Variants in SV2C observed in about 807,000 individuals in gnomAD.
SV2C encodes synaptic vesicle glycoprotein 2C, also known as solute carrier family 22 member B3.
Under a neutral mutation model 79.7 loss-of-function variants are expected in SV2C, and 49 were observed. The ratio of observed to expected loss-of-function variants is 0.61; its 90% CI spans 0.49 to 0.78. The LOEUF is 0.78. Among genes scored for constraint, SV2C ranks in the 30% least tolerant of loss-of-function variants. SV2C has a pLI of 0.00. For missense variants in SV2C, 833 were observed against 912.9 expected (o/e 0.91, Z 1.13); for synonymous variants, 334 against 333.2 (o/e 1.00, Z -0.03).
At chr5:76,147,743 T>C (rs542448608) in intron 2 of SV2C, among the ~76,000 whole-genome samples, 83 of 152,284 alleles carry the variant, frequency 5.5e-4, no homozygotes, top group Non-Finnish European at 9.8e-4. Context: ...TTCATTTATG[T>C]AACTTTTTTG....
chr5:76,241,283 C>A (rs1446321441), intron 4 of SV2C, among the ~76,000 whole-genome samples: 1 of 150,360 alleles, frequency 6.7e-6, no homozygotes, highest in African/African-American at 2.5e-5. Context: ...GGCAGACAAT[C>A]GTTAACAGTA....
intron 2 of SV2C, among the ~76,000 whole-genome samples, chr5:76,166,796 A>G (rs769253383): frequency 3.3e-5 from 5 of 152,196 alleles, no homozygotes; most frequent in African/African-American, 1.2e-4. Flanking sequence ...ACCTCATTCA[A>G]TGTCACAGAC....
chr5:76,165,965 A>C (rs1056993817), intron 2 of SV2C, among the ~76,000 whole-genome samples: 1 of 152,140 alleles, frequency 6.6e-6, no homozygotes, highest in Non-Finnish European at 1.5e-5. Context: ...CATGCCCAGA[A>C]TCAACTCCAG....
At chr5:76,119,797 C>T (rs1424093248) in intron 1 of SV2C, among the ~76,000 whole-genome samples, 1 of 152,142 alleles carries the variant, frequency 6.6e-6, no homozygotes, top group Non-Finnish European at 1.5e-5. Context: ...GCAAACATTC[C>T]TATTGAAGAG....
the SV2C span, among the ~76,000 whole-genome samples, chr5:75,870,815 A>G: frequency 2.6e-5 from 4 of 152,252 alleles, no homozygotes; most frequent in Non-Finnish European, 4.4e-5. Flanking sequence ...TACATCTGGC[A>G]GCAGTCTTTT....
the SV2C span, among the ~76,000 whole-genome samples, chr5:76,056,948 C>T: frequency 6.6e-6 from 1 of 151,854 alleles, no homozygotes; most frequent in Non-Finnish European, 1.5e-5. Context: ...AAAAACAGTT[C>T]CTGGATTCAT....
intron 1 of SV2C, among the ~76,000 whole-genome samples, chr5:76,121,729 T>G (rs1371013814): frequency 2.6e-5 from 4 of 151,974 alleles, no homozygotes; most frequent in Admixed American, 6.6e-5. Flanking sequence ...TTGATCTATA[T>G]CTCTGTTTTG....
At chr5:76,091,697 T>G (rs901949680) in intron 1 of SV2C, 2 of 141,856 alleles carry the variant, frequency 1.4e-5, no homozygotes, top group Non-Finnish European at 3.1e-5. Context: ...TCTATGAGAC[T>G]TTTTTTTTTT....
At chr5:75,992,814 G>A in the SV2C span, among the ~76,000 whole-genome samples, 1 of 152,046 alleles carries the variant, frequency 6.6e-6, no homozygotes, top group Admixed American at 6.6e-5. Flanking sequence ...TTATAGAATA[G>A]GGGCAGTGAG....
downstream of SV2C, among the ~76,000 whole-genome samples, chr5:76,337,752 G>A (rs1749355794): frequency 6.6e-6 from 1 of 152,160 alleles, no homozygotes. Flanking sequence ...GGGCAGCCTG[G>A]CTAGGCTACT....
intron 4 of SV2C, among the ~76,000 whole-genome samples, chr5:76,265,928 G>A (rs1467441499): frequency 6.6e-6 from 1 of 152,110 alleles, no homozygotes; most frequent in Non-Finnish European, 1.5e-5. Context: ...TGGCCATCTT[G>A]CCAGATGCCC....
the SV2C span, among the ~76,000 whole-genome samples, chr5:76,049,036 G>GAAA: frequency 1.5e-5 from 1 of 68,888 alleles, no homozygotes; most frequent in Non-Finnish European, 3.3e-5. Flanking sequence ...AAAGAAAAGA[G>GAAA]GGAGGGAGGG....
At chr5:75,967,355 A>G in the SV2C span, among the ~76,000 whole-genome samples, 1 of 152,170 alleles carries the variant, frequency 6.6e-6, no homozygotes, top group Non-Finnish European at 1.5e-5. Flanking sequence ...ACTGTGCATG[A>G]GCCGAAGCAG....
At chr5:75,898,713 T>C in the SV2C span, among the ~76,000 whole-genome samples, 1 of 152,166 alleles carries the variant, frequency 6.6e-6, no homozygotes, top group African/African-American at 2.4e-5. Context: ...TCTTTTTGGT[T>C]GGTAAGCTAT....
At chr5:76,139,803 A>G (rs930756415) in intron 2 of SV2C, among the ~76,000 whole-genome samples, 5 of 151,964 alleles carry the variant, frequency 3.3e-5, no homozygotes, top group African/African-American at 1.2e-4. Context: ...ATACTTTTAC[A>G]TATAACTGGA....
At chr5:76,224,535 A>G (rs1308616702) in intron 4 of SV2C, among the ~76,000 whole-genome samples, 1 of 152,170 alleles carries the variant, frequency 6.6e-6, no homozygotes, top group Non-Finnish European at 1.5e-5. Flanking sequence ...GGACATAAAA[A>G]TCGCCATCAT....
chr5:76,269,557 C>T (rs1025254783), intron 4 of SV2C, among the ~76,000 whole-genome samples: 11 of 152,192 alleles, frequency 7.2e-5, no homozygotes, highest in African/African-American at 2.4e-4. Flanking sequence ...CCTTTGAATC[C>T]ACTTTACCCG....
rs533060304 is a variant in SV2C, at chr5:76,314,107, C to G, written c.2001-11257C>G. ...CTTGTTTAACTCACTAGAATGTTAG[C>G]TCCTTGAGGGCAAGACATTGTCTTC... On this transcript the variant is annotated intron_variant, in intron 12 of 12. Coordinates refer to ENST00000502798, the MANE Select transcript of SV2C (RefSeq NM_014979.4). Among the ~76,000 whole-genome samples the G allele has an allele frequency of 2.0e-5, 3 of 152,314 alleles. No individual in the cohort carries two copies. The South Asian group carries it at 6.2e-4, about 32-fold the overall frequency.
intron 4 of SV2C, among the ~76,000 whole-genome samples, chr5:76,218,133 C>T (rs1211268008): frequency 6.6e-6 from 1 of 152,206 alleles, no homozygotes; most frequent in Non-Finnish European, 1.5e-5. Context: ...CACCTCTGCC[C>T]TCTCTAGCTT....
Sources: allele counts gnomAD v4.1 joint callset (sites outside exome capture counted in the v4.1 genomes callset), GRCh38; gene constraint gnomAD v4.1.1; transcripts MANE v1.5; gene names NCBI Gene and HGNC (gene_info 2026-07-23, HGNC 2026-07-21).